ATP6V0D1: variants seen among roughly 807,000 people sequenced by gnomAD.
ATP6V0D1 encodes ATPase H+ transporting V0 subunit d1, also known as V-type proton ATPase subunit d 1.
A neutral mutation model predicts 39.0 loss-of-function variants in ATP6V0D1; 13 were observed. The observed-to-expected ratio is 0.33, with a 90% CI of 0.22 to 0.53. The LOEUF (loss-of-function observed/expected upper bound fraction) is 0.53. ATP6V0D1 is among the 20% of genes least tolerant of loss of function. The pLI, the probability that ATP6V0D1 is intolerant of heterozygous loss-of-function variation, is 0.94. For missense variants in ATP6V0D1, 272 were observed against 470.9 expected, an observed-to-expected ratio of 0.58 and a Z score of 3.91; for synonymous variants, 191 against 191.2, an observed-to-expected ratio of 1.00 and a Z score of 0.01.
At chr16:67,452,431 A>C in intron 2 of ATP6V0D1, 1 of 1,531,778 alleles carries the variant, frequency 6.5e-7, no homozygotes, top group African/African-American at 1.4e-5. Context: ...TCCTAACTGC[A>C]GGGGATAAGA....
intron 4 of ATP6V0D1, 79 bp downstream of exon 4, chr16:67,443,020 A>G: frequency 6.8e-7 from 1 of 1,466,612 alleles, no homozygotes; most frequent in Non-Finnish European, 9.5e-7. Context: ...CCAGCACCTC[A>G]CATAAATCAC....
rs1402994271 is a variant in ATP6V0D1 at position 67,438,469 on chromosome 16, ACG to A, written c.*57_*58del. ...ACCACATACACACACACGCACACAC[ACG>A]CGCACACACACACACACACACACAA... On this transcript the variant is annotated 3_prime_UTR_variant, in exon 8 of 8. Coordinates refer to ENST00000290949, the MANE Select transcript of ATP6V0D1 (RefSeq NM_004691.5). 7 of 1,544,180 alleles carry A rather than the reference ACG, an allele frequency of 4.5e-6. No homozygotes were observed. The highest frequency in any genetic ancestry group is 6.2e-6 in the Non-Finnish European group (7 of 1,133,790).
chr16:67,461,399 C>T (rs553794213), intron 1 of ATP6V0D1, among the ~76,000 whole-genome samples: 1 of 152,346 alleles, frequency 6.6e-6, no homozygotes, highest in African/African-American at 2.4e-5. Flanking sequence ...TGAGCAGCCC[C>T]AGCAACCTGG....
rs1403491645 is a variant in ATP6V0D1, at chr16:67,439,297, C to G, written c.616G>C (p.Asp206His). 1 of 1,614,138 alleles carries G rather than the reference C, an allele frequency of 6.2e-7. No individual in the cohort carries two copies. Among genetic ancestry groups the G allele is most frequent in the Admixed American group, 1.7e-5 (1 of 60,028 alleles). Reference protein sequence around the residue: ...FCTLLGGTTADAMCPILEFEA... With the variant: ...FCTLLGGTTAHAMCPILEFEA... ...ACCTCCAGGATGGGGCACATGGCATCAGCCGTAGTCCCGCCCAGTAGGGTG... is the reference window on the plus strand; with the variant it reads ...ACCTCCAGGATGGGGCACATGGCATGAGCCGTAGTCCCGCCCAGTAGGGTG... Residue 206 changes from aspartate (D) to histidine (H), a missense_variant, in exon 5 of 8, where the codon GAT becomes CAT. By Grantham distance (81) the Asp-to-His change is moderately conservative. Coordinates refer to ENST00000290949, the MANE Select transcript of ATP6V0D1 (RefSeq NM_004691.5).
chr16:67,480,551 G>A (rs972230878), intron 1 of ATP6V0D1, among the ~76,000 whole-genome samples: 3 of 152,090 alleles, frequency 2.0e-5, no homozygotes, highest in Non-Finnish European at 4.4e-5. Flanking sequence ...TTGGCGGGGG[G>A]AGGGGGAAGA....
Position 67,468,838 on chromosome 16 carries a change from T to C in ATP6V0D1, c.130+12119A>G, listed in dbSNP as rs1597582420. 3.3e-5 allele frequency among the ~76,000 whole-genome samples: 5 copies of C among 152,298 alleles called. No homozygotes were observed. The South Asian group carries it at 1.0e-3, about 32-fold the overall frequency. ...AAAGGCCTAGCAGGGGTTCAAGCAC[T>C]GGCTCCACCTCGGAAACCAGGCCCA... On this transcript the variant is annotated intron_variant, in intron 1 of 7. Coordinates refer to ENST00000290949, the MANE Select transcript of ATP6V0D1 (RefSeq NM_004691.5).
rs1200586062 is a variant in ATP6V0D1 at position 67,452,383 on chromosome 16, G to A, written c.302+1161C>T. 12 of 1,535,638 alleles carry A rather than the reference G, an allele frequency of 7.8e-6. No homozygotes were observed. In the South Asian group the frequency reaches 1.2e-4, roughly 15 times the overall value. ...TGCCTGAGAATGGAGCCCTTTGGCT[G>A]CAGCACTTCTTGAGCAAGTGGATCC... On this transcript the variant is annotated intron_variant, in intron 2 of 7. Coordinates refer to ENST00000290949, the MANE Select transcript of ATP6V0D1 (RefSeq NM_004691.5).
intron 1 of ATP6V0D1, among the ~76,000 whole-genome samples, chr16:67,478,628 AAAAGAAAG>A (rs903629571): frequency 1.3e-5 from 2 of 150,642 alleles, no homozygotes; most frequent in Non-Finnish European, 3.0e-5. Flanking sequence ...AAAAAAAAAA[AAAAGAAAG>A]AAAGAAAGAA....
chr16:67,467,308 C>T (rs1292975812), intron 1 of ATP6V0D1, among the ~76,000 whole-genome samples: 1 of 152,176 alleles, frequency 6.6e-6, no homozygotes, highest in African/African-American at 2.4e-5. Context: ...AGATCAAGAC[C>T]ATCCTGGCCA....
At chr16:67,457,593 C>T in intron 1 of ATP6V0D1, 1 of 1,289,644 alleles carries the variant, frequency 7.8e-7, no homozygotes, top group East Asian at 5.5e-5. Flanking sequence ...AGCACTGTCA[C>T]TGGACTGTCA....
At chr16:67,465,628 A>G (rs2041322963) in intron 1 of ATP6V0D1, among the ~76,000 whole-genome samples, 1 of 152,198 alleles carries the variant, frequency 6.6e-6, no homozygotes, top group Non-Finnish European at 1.5e-5. Context: ...GACCCAGGTG[A>G]GGGTAAATGA....
chr16:67,439,472 C>A, intron 4 of ATP6V0D1, 121 bp from the exon 5 acceptor site: 1 of 916,844 alleles, frequency 1.1e-6, no homozygotes, highest in Non-Finnish European at 1.7e-6. Flanking sequence ...TACAAGCACA[C>A]CCATGGATGG....
chr16:67,439,227 C>G (rs375688879), intron 5 of ATP6V0D1, 47 bp downstream of exon 5: 6 of 1,613,888 alleles, frequency 3.7e-6, no homozygotes, highest in Non-Finnish European at 5.1e-6. Context: ...CCTCCCCAGG[C>G]CAGGGCTAGC....
In ATP6V0D1 at chr16:67,453,086, G is replaced by C. The variant is rs1224664855; in HGVS notation, c.302+458C>G. Among the ~76,000 whole-genome samples, 1 of 152,198 alleles carries C rather than the reference G, an allele frequency of 6.6e-6. No individual in the cohort carries two copies. The highest frequency in any genetic ancestry group is 1.5e-5 in the Non-Finnish European group (1 of 68,032). On this transcript the variant is annotated intron_variant, in intron 2 of 7. Transcript: ENST00000290949. This position sits in a 1 kb window ranked among gnomAD's most constrained non-coding sequence, Gnocchi z 4.1. ...GAGAATGGGCCTATCCTAAGACCTT[G>C]GCCTTTCAGAGCTCTGTCCATCCCG...
Position 67,469,998 on chromosome 16 carries a change from A to G in ATP6V0D1, c.130+10959T>C, listed in dbSNP as rs112123679. On this transcript the variant is annotated intron_variant, in intron 1 of 7. Coordinates refer to ENST00000290949, the MANE Select transcript of ATP6V0D1 (RefSeq NM_004691.5). ...GCTTTGCAACTTTTCACCTAACAAC[A>G]TATTTCTAAATCAGCCCTTATGGAA... Among the ~76,000 whole-genome samples the G allele has an allele frequency of 1.2e-4, 18 of 152,280 alleles. No individual in the cohort carries two copies. In the East Asian group the frequency reaches 1.4e-3, roughly 11 times the overall value.
intron 1 of ATP6V0D1, among the ~76,000 whole-genome samples, chr16:67,464,821 C>A (rs2041316467): frequency 1.3e-5 from 2 of 152,274 alleles, no homozygotes; most frequent in African/African-American, 4.8e-5. Flanking sequence ...CAGGGCCAGG[C>A]AAGAGCTGGC....
At chr16:67,457,772 T>C in intron 1 of ATP6V0D1, 2 of 561,902 alleles carry the variant, frequency 3.6e-6, no homozygotes, top group South Asian at 3.2e-5. Flanking sequence ...CCCTGTGCCT[T>C]GGCTGCTGCA....
intron 1 of ATP6V0D1, among the ~76,000 whole-genome samples, chr16:67,473,232 C>T (rs999876847): frequency 2.6e-5 from 4 of 152,078 alleles, no homozygotes; most frequent in Non-Finnish European, 5.9e-5. Flanking sequence ...GGGGGGGTGG[C>T]GCAGCAACAG....
rs1016854667 is a variant in ATP6V0D1 at position 67,452,374 on chromosome 16, C to T, written c.302+1170G>A. ...TCTGACTCCTGCCTGAGAATGGAGC[C>T]CTTTGGCTGCAGCACTTCTTGAGCA... On this transcript the variant is annotated intron_variant, in intron 2 of 7. Transcript: ENST00000290949. The T allele has an allele frequency of 2.9e-4, 448 of 1,535,530 alleles. 2 individuals carry two copies. The highest frequency in any genetic ancestry group is 2.2e-3 in the South Asian group (184 of 84,050).
Sources: gnomAD v4.1 joint callset for allele counts (sites outside exome capture counted in the v4.1 genomes callset) on GRCh38, gnomAD v4.1.1 for gene constraint, Gnocchi (gnomAD v3.1) non-coding constraint, MANE v1.5 for transcripts, NCBI Gene and HGNC (gene_info 2026-07-23, HGNC 2026-07-21) for gene names.